WFDC5: variants seen among roughly 807,000 people sequenced by gnomAD.
WFDC5 encodes the protein WAP four-disulfide core domain protein 5.
WFDC5 carries 15 observed loss-of-function variants against 15.7 expected under a neutral mutation model. The observed-to-expected ratio is 0.96, with a 90% CI of 0.64 to 1.47. WFDC5 has a LOEUF of 1.47. WFDC5 is among the 40% of genes most tolerant of loss of function. The pLI is 0.00. For missense variants in WFDC5, 280 were observed against 258.0 expected, an observed-to-expected ratio of 1.09 and a Z score of -0.59; for synonymous variants, 109 against 107.7, an observed-to-expected ratio of 1.01 and a Z score of -0.07.
At chr20:45,115,726 G>A (rs998317014), upstream of WFDC5, among the ~76,000 whole-genome samples, 1 of 152,168 alleles carries the variant, frequency 6.6e-6, no homozygotes, top group African/African-American at 2.4e-5. Flanking sequence ...GGCTGTTGAG[G>A]GTGGGGGAGC....
chr20:45,110,303 C>A (rs1208760291), intron 3 of WFDC5, 97 bp downstream of exon 3: 22 of 1,523,222 alleles, frequency 1.4e-5, no homozygotes, highest in Non-Finnish European at 1.8e-5. Flanking sequence ...GTCCTGACTT[C>A]TGGGGAGGCA....
upstream of WFDC5, among the ~76,000 whole-genome samples, chr20:45,115,987 G>A (rs932867375): frequency 3.9e-5 from 6 of 152,152 alleles, no homozygotes; most frequent in African/African-American, 7.2e-5. Context: ...TTTGAAAGAC[G>A]AGGAAACTGT....
At chr20:45,110,826 A>G in intron 1 of WFDC5, 51 bp from the exon 2 acceptor site, 1 of 1,607,276 alleles carries the variant, frequency 6.2e-7, no homozygotes, top group East Asian at 2.2e-5. Context: ...ACGGTTATGT[A>G]ATAAGCGCTG....
At chr20:45,110,121 G>T in intron 3 of WFDC5, 108 bp from the exon 4 acceptor site, 1 of 1,478,800 alleles carries the variant, frequency 6.8e-7, no homozygotes, top group Non-Finnish European at 9.1e-7. Context: ...TGCCACCAAG[G>T]CAGGATTCCT....
chr20:45,112,052 C>T (rs6104014), intron 1 of WFDC5, among the ~76,000 whole-genome samples: 15,267 of 152,112 alleles, frequency 0.1, 1,810 homozygotes, highest in African/African-American at 0.29. Flanking sequence ...TCACATCCTA[C>T]GTGCGCTAAG....
intron 1 of WFDC5, 97 bp downstream of exon 1, chr20:45,114,901 AC>A: frequency 3.1e-6 from 4 of 1,305,262 alleles, no homozygotes; most frequent in Non-Finnish European, 3.2e-6. Flanking sequence ...GCGCACACAC[AC>A]CCCACAGGGC....
intron 1 of WFDC5, among the ~76,000 whole-genome samples, chr20:45,113,761 T>C (rs149106852): frequency 2.3e-3 from 351 of 152,330 alleles, no homozygotes; most frequent in Non-Finnish European, 3.9e-3. Flanking sequence ...TGCATTGTCC[T>C]GTACAGTCCT....
Position 45,110,380 on chromosome 20 carries a change from TG to T in WFDC5, c.386del (p.Pro129GlnfsTer8). 6.3e-7 allele frequency: 1 copy of T among 1,584,958 alleles called. No individual in the cohort carries two copies. ...GCTCGGAGAGGGGAGGCACCTGCCC[TG>T]GGCACCCAGGAGCCGTACCTCTGGC... On this transcript the variant is annotated frameshift_variant, in exon 3 of 4. Coordinates refer to ENST00000307971, the Ensembl canonical transcript of WFDC5. LOFTEE classifies it low-confidence loss of function (END_TRUNC).
chr20:45,110,048 C>T (rs1472313018), intron 3 of WFDC5, 35 bp from the exon 4 acceptor site: 1 of 1,600,922 alleles, frequency 6.2e-7, no homozygotes, highest in Non-Finnish European at 8.5e-7. Flanking sequence ...AATTCCTTCC[C>T]ATAATAGGGC....
At chr20:45,114,500 C>T (rs1041134370) in intron 1 of WFDC5, among the ~76,000 whole-genome samples, 1 of 152,086 alleles carries the variant, frequency 6.6e-6, no homozygotes, top group African/African-American at 2.4e-5. Context: ...GGTGGTGGAC[C>T]CACTGACCCA....
upstream of WFDC5, among the ~76,000 whole-genome samples, chr20:45,115,909 G>A (rs1299832262): frequency 2.0e-5 from 3 of 152,214 alleles, no homozygotes; most frequent in Non-Finnish European, 4.4e-5. Context: ...AGAGGGAGCT[G>A]AGACTTGGCA....
At chr20:45,112,766 C>T (rs1021186831) in intron 1 of WFDC5, among the ~76,000 whole-genome samples, 4 of 152,188 alleles carry the variant, frequency 2.6e-5, no homozygotes, top group Admixed American at 2.0e-4. Flanking sequence ...AGATAGTCAA[C>T]TGTTTTATCT....
chr20:45,115,180 G>T (rs1981728642), upstream of WFDC5: 3 of 1,193,036 alleles, frequency 2.5e-6, no homozygotes, highest in East Asian at 2.5e-5. Context: ...AAGAGAGGGG[G>T]TGTGGAGTGA....
chr20:45,113,469 C>A (rs958402679), intron 1 of WFDC5, among the ~76,000 whole-genome samples: 1 of 152,222 alleles, frequency 6.6e-6, no homozygotes, highest in Non-Finnish European at 1.5e-5. Context: ...TGCCTCTGAG[C>A]AGCTGGGCTG....
intron 1 of WFDC5, among the ~76,000 whole-genome samples, chr20:45,112,348 G>A (rs1331389482): frequency 6.6e-6 from 1 of 152,218 alleles, no homozygotes; most frequent in African/African-American, 2.4e-5. Flanking sequence ...AGGGGCCTGG[G>A]GCTGGCCTTG....
chr20:45,109,829 A>G (rs1212077069), exon 4 of WFDC5: 1 of 866,468 alleles, frequency 1.2e-6, no homozygotes, highest in African/African-American at 1.7e-5. Flanking sequence ...GACTCCCAGG[A>G]GGAGAAACCA....
Position 45,110,384 on chromosome 20 carries a change from C to T in WFDC5, c.383G>A (p.Cys128Tyr). Reference sequence around the variant, plus strand: ...GGAGAGGGGAGGCACCTGCCCTGGGCACCCAGGAGCCGTACCTCTGGCAGG... The same window carrying T: ...GGAGAGGGGAGGCACCTGCCCTGGGTACCCAGGAGCCGTACCTCTGGCAGG... Residue 128 changes from cysteine (C) to tyrosine (Y), a missense_variant, in exon 3 of 4, where the codon TGC becomes TAC. Transcript: ENST00000307971. 1 of 1,587,126 alleles carries T rather than the reference C, an allele frequency of 6.3e-7. No individual in the cohort carries two copies. Among genetic ancestry groups the T allele is most frequent in the Non-Finnish European group, 8.6e-7 (1 of 1,167,588 alleles).
exon 4 of WFDC5, chr20:45,109,868 G>A (rs750658363): frequency 1.4e-4 from 164 of 1,214,608 alleles, no homozygotes; most frequent in Non-Finnish European, 1.2e-4. Flanking sequence ...GGAAGTGTCA[G>A]CAGGCCAGTG....
At chr20:45,113,057 C>G (rs1167705473) in intron 1 of WFDC5, among the ~76,000 whole-genome samples, 1 of 152,138 alleles carries the variant, frequency 6.6e-6, no homozygotes, top group Non-Finnish European at 1.5e-5. Context: ...CATACACAGT[C>G]ATATATACAG....
Sources: gnomAD v4.1 joint callset for allele counts (sites outside exome capture counted in the v4.1 genomes callset) on GRCh38, gnomAD v4.1.1 for gene constraint, MANE v1.5 for transcripts, NCBI Gene and HGNC (gene_info 2026-07-23, HGNC 2026-07-21) for gene names.